The following ROBO1 variants were observed in gnomAD, a reference collection of about 807,000 sequenced individuals.
ROBO1 encodes the protein roundabout homolog 1.
In ROBO1, 149 loss-of-function variants were observed where a neutral mutation model predicts 195.9. The ratio of observed to expected loss-of-function variants is 0.76; its 90% confidence interval spans 0.67 to 0.87. ROBO1 has a LOEUF of 0.87. ROBO1 is among the 40% of genes least tolerant of loss of function. The pLI is 0.00. For missense variants in ROBO1, 1,933 were observed against 2,068.3 expected (o/e 0.93, Z 1.27); for synonymous variants, 816 against 733.2 (o/e 1.11, Z -1.82).
chr3:78,646,305 A>G, intron 20 of ROBO1, 115 bp from the exon 21 acceptor site: 1 of 834,122 alleles, frequency 1.2e-6, no homozygotes, highest in Non-Finnish European at 1.9e-6. Context: ...CCTAGACAGA[A>G]GCATTGCAAA....
At chr3:79,435,791 C>G (rs1187699104) in intron 2 of ROBO1, among the ~76,000 whole-genome samples, 2 of 152,020 alleles carry the variant, frequency 1.3e-5, no homozygotes, top group African/African-American at 4.8e-5. Context: ...AGAGGGTTGC[C>G]CTTCCTTTGA....
chr3:79,623,219 A>T (rs1945064553), intron 1 of ROBO1, among the ~76,000 whole-genome samples: 1 of 152,214 alleles, frequency 6.6e-6, no homozygotes, highest in Non-Finnish European at 1.5e-5. Context: ...TCAAAACTAG[A>T]CAAACTCACA....
intron 3 of ROBO1, among the ~76,000 whole-genome samples, chr3:78,968,291 T>C (rs990893067): frequency 8.0e-5 from 12 of 150,352 alleles, no homozygotes; most frequent in Non-Finnish European, 1.3e-4. Context: ...TTTTTTTTTT[T>C]TAAGGCAGAG....
intron 2 of ROBO1, among the ~76,000 whole-genome samples, chr3:79,370,606 ACTT>A (rs1172045374): frequency 6.6e-6 from 1 of 151,336 alleles, no homozygotes; most frequent in East Asian, 1.9e-4. Context: ...CGACTTCTTT[ACTT>A]CTTCAACAGG....
At chr3:79,467,311 G>A (rs746018663) in intron 2 of ROBO1, among the ~76,000 whole-genome samples, 34 of 151,936 alleles carry the variant, frequency 2.2e-4, no homozygotes, top group Middle Eastern at 3.4e-3. Context: ...AGAAGAGGGC[G>A]GTTCCCTGGC....
chr3:79,687,870 G>A (rs1253026645), intron 1 of ROBO1, among the ~76,000 whole-genome samples: 4 of 152,100 alleles, frequency 2.6e-5, no homozygotes, highest in African/African-American at 4.8e-5. Context: ...CCATTACTGG[G>A]TATATACCGA....
chr3:78,695,642 AAG>A (rs1553704719), intron 8 of ROBO1, among the ~76,000 whole-genome samples: 3,327 of 148,262 alleles, frequency 0.022, 56 homozygotes, highest in Non-Finnish European at 0.033. Context: ...AAAAAAAAAA[AAG>A]AAAAGAAAAC....
At chr3:79,302,395 G>A (rs144448276) in intron 2 of ROBO1, among the ~76,000 whole-genome samples, 19 of 152,260 alleles carry the variant, frequency 1.2e-4, no homozygotes, top group Non-Finnish European at 2.5e-4. Context: ...TTTGGTCCAT[G>A]ATGATTTTAG....
intron 2 of ROBO1, among the ~76,000 whole-genome samples, chr3:79,475,916 G>A (rs1183363404): frequency 6.6e-6 from 1 of 151,992 alleles, no homozygotes; most frequent in Non-Finnish European, 1.5e-5. Context: ...CAGACTCTTT[G>A]GAAGATTAGT....
At chr3:79,120,067 C>T (rs1488561844) in intron 3 of ROBO1, among the ~76,000 whole-genome samples, 6 of 152,092 alleles carry the variant, frequency 3.9e-5, no homozygotes, top group Non-Finnish European at 7.3e-5. Context: ...CCACCATGCC[C>T]GGCTGTGATT....
At chr3:79,459,869 G>T (rs989947589) in intron 2 of ROBO1, among the ~76,000 whole-genome samples, 1 of 152,060 alleles carries the variant, frequency 6.6e-6, no homozygotes, top group African/African-American at 2.4e-5. Flanking sequence ...AAATGTTGGT[G>T]AATTCTTTTT....
intron 3 of ROBO1, among the ~76,000 whole-genome samples, chr3:78,949,915 C>T (rs2040678836): frequency 2.0e-5 from 3 of 152,196 alleles, no homozygotes; most frequent in Admixed American, 6.5e-5. Context: ...AAAAAATGCT[C>T]ATCATCACTG....
chr3:78,870,535 C>T (rs2107137341), intron 4 of ROBO1, among the ~76,000 whole-genome samples: 1 of 152,216 alleles, frequency 6.6e-6, no homozygotes, highest in East Asian at 1.9e-4. Flanking sequence ...ATGATTCTTA[C>T]ACAAGAATGT....
chr3:78,958,017 A>T lies in ROBO1; in HGVS notation c.173-19090T>A, dbSNP rs1191179418. Among the ~76,000 whole-genome samples the T allele has an allele frequency of 5.3e-5, 8 of 152,230 alleles. No individual in the cohort carries two copies. In the East Asian group the frequency reaches 1.5e-3, roughly 29 times the overall value. On this transcript the variant is annotated intron_variant, in intron 3 of 30. Coordinates refer to ENST00000464233, the MANE Select transcript of ROBO1 (RefSeq NM_002941.4). ...CTAGCACAGAAACTACAAGTGACAT[A>T]GACCGAGATGCAGCATAAGGTTCTT... is the stretch of plus-strand genomic sequence containing the variant.
intron 3 of ROBO1, among the ~76,000 whole-genome samples, chr3:79,017,039 T>G (rs1339191137): frequency 1.3e-5 from 2 of 152,164 alleles, no homozygotes; most frequent in Non-Finnish European, 2.9e-5. Flanking sequence ...CTCGAGGAGT[T>G]AGTCTACTCA....
chr3:79,582,511 C>CA (rs1184651066), intron 2 of ROBO1, among the ~76,000 whole-genome samples: 1 of 152,082 alleles, frequency 6.6e-6, no homozygotes, highest in East Asian at 1.9e-4. Flanking sequence ...ATCTCATTGA[C>CA]ACGGTCTCCT....
chr3:79,569,805 A>G (rs1943219772), intron 2 of ROBO1, among the ~76,000 whole-genome samples: 1 of 152,152 alleles, frequency 6.6e-6, no homozygotes, highest in Non-Finnish European at 1.5e-5. Flanking sequence ...ACTGAAAGAT[A>G]ATGAGGTATT....
Position 78,617,657 on chromosome 3 carries a change from T to G in ROBO1, c.4260A>C (p.Arg1420=), listed in dbSNP as rs758898756. 1 of 1,612,690 alleles carries G rather than the reference T, an allele frequency of 6.2e-7. No individual in the cohort carries two copies. Among genetic ancestry groups the G allele is most frequent in the Non-Finnish European group, 8.5e-7 (1 of 1,179,180 alleles). Residue 1420 remains arginine (R), a synonymous_variant, in exon 27 of 31, where the codon CGA becomes CGC. Transcript: ENST00000464233. ...CACCAGCAGCATCCTGCATTTGCCG[T>G]CGTGCTACTTTCAGACCAGCATACT... ...AAEYAGLKVA[R]RQMQDAAGRR... is the part of the protein sequence containing the mutation.
intron 3 of ROBO1, among the ~76,000 whole-genome samples, chr3:79,089,169 T>C (rs2108484219): frequency 6.6e-6 from 1 of 152,230 alleles, no homozygotes; most frequent in African/African-American, 2.4e-5. Context: ...CCTTATACAT[T>C]TTGAGAAATT....
Sources: gnomAD v4.1 joint callset for allele counts (sites outside exome capture counted in the v4.1 genomes callset) on GRCh38, gnomAD v4.1.1 for gene constraint, MANE v1.5 for transcripts, NCBI Gene and HGNC (gene_info 2026-07-23, HGNC 2026-07-21) for gene names.